TECR: variants seen among roughly 807,000 people sequenced by gnomAD.
TECR encodes the protein very-long-chain enoyl-CoA reductase.
TECR carries 19 observed loss-of-function variants against 50.6 expected under a neutral mutation model. The observed-to-expected ratio is 0.38, with a 90% CI of 0.26 to 0.55. The LOEUF (loss-of-function observed/expected upper bound fraction) is 0.55. Among genes scored for constraint, TECR ranks in the 20% least tolerant of loss-of-function variants. TECR has a pLI of 0.79. For synonymous variants in TECR, 168 were observed against 163.5 expected (o/e 1.03, Z -0.21); for missense variants, 313 against 408.3 (o/e 0.77, Z 2.01).
rs572210216 is a variant in TECR at position 14,539,446 on chromosome 19, C to T, written c.15+9735C>T. On this transcript the variant is annotated intron_variant, in intron 1 of 12. Coordinates refer to ENST00000215567, the MANE Select transcript of TECR (RefSeq NM_138501.6). Reference sequence around the variant, plus strand: ...AGAAGACAGTCTGGCCACCAGGTGCCTGTCACAGCTGCCTCACCTAGGAGC... The same window carrying T: ...AGAAGACAGTCTGGCCACCAGGTGCTTGTCACAGCTGCCTCACCTAGGAGC... Among the ~76,000 whole-genome samples, 8 of 152,200 alleles carry T rather than the reference C, an allele frequency of 5.3e-5. No individual in the cohort carries two copies. The South Asian group carries it at 8.3e-4, about 16-fold the overall frequency.
Position 14,535,560 on chromosome 19 carries a change from A to ATATATATATATG in TECR, c.15+5860_15+5861insGTATATATATAT, listed in dbSNP as rs1413588470. Among the ~76,000 whole-genome samples the ATATATATATATG allele has an allele frequency of 1.4e-3, 31 of 21,858 alleles. 1 individual carries two copies. The highest frequency in any genetic ancestry group is 5.0e-3 in the African/African-American group (30 of 6,054). 14.3% of individuals were successfully genotyped at this position (21,858 alleles called of 152,430 possible). A position where few individuals can be genotyped will look rare whatever the true frequency, so the allele number is the denominator to read the frequency against. On this transcript the variant is annotated intron_variant, in intron 1 of 12. Coordinates refer to ENST00000215567, the MANE Select transcript of TECR (RefSeq NM_138501.6). ...AAAAAAAAAATATATATATATATAT[A>ATATATATATATG]TATATATATATATATATATATATAT...
chr19:14,563,882 G>A lies in TECR; in HGVS notation c.246G>A (p.Gly82=). ...CCACACTGTACTTCCGGGACCTGGG[G>A]GCCCAGATCAGCTGGGTGACGGTGA... is the stretch of plus-strand genomic sequence containing the variant. The part of the protein sequence containing the change: ...TTATLYFRDL[G]AQISWVTVFL... The change falls in exon 5 of 13, where the codon GGG becomes GGA. Residue 82 remains glycine, a synonymous_variant. Coordinates refer to ENST00000215567, the MANE Select transcript of TECR (RefSeq NM_138501.6). The surrounding 1 kb of genome is among the most constrained non-coding windows in gnomAD (Gnocchi z 5.3). 6.2e-7 allele frequency: 1 copy of A among 1,614,040 alleles called. No homozygotes were observed. Among genetic ancestry groups the A allele is most frequent in the South Asian group, 1.1e-5 (1 of 91,090 alleles).
intron 1 of TECR, chr19:14,529,952 G>T (rs1487374709): frequency 1.7e-6 from 1 of 600,856 alleles, no homozygotes. Context: ...GGGGGTCTCT[G>T]CAGGGGCTGG....
intron 1 of TECR, 65 bp from the exon 2 acceptor site, chr19:14,562,460 G>T: frequency 6.2e-7 from 1 of 1,601,622 alleles, no homozygotes; most frequent in Non-Finnish European, 8.6e-7. Context: ...GGCCTCAATG[G>T]GCTCCCCAGG....
In TECR at chr19:14,553,190, C is replaced by T. The variant is rs7245996; in HGVS notation, c.16-9335C>T. ...TTCCAAGGCTGGATTGCTACCTGCT[C>T]GCTCGGGGCTCTGCTGGATGGGAAC... is the stretch of plus-strand genomic sequence containing the variant. On this transcript the variant is annotated intron_variant, in intron 1 of 12. Transcript: ENST00000215567. Among the ~76,000 whole-genome samples, 143 of 152,292 alleles carry T rather than the reference C, an allele frequency of 9.4e-4. 1 individual carries two copies. The highest frequency in any genetic ancestry group is 3.2e-3 in the African/African-American group (134 of 41,582).
chr19:14,535,558 A>ATATATATATATATG (rs2072856646), intron 1 of TECR, among the ~76,000 whole-genome samples: 3 of 17,092 alleles, frequency 1.8e-4, no homozygotes, highest in African/African-American at 5.5e-4. Flanking sequence ...ATATATATAT[A>ATATATATATATATG]TATATATATA....
At chr19:14,538,169 C>T (rs1008863045) in intron 1 of TECR, among the ~76,000 whole-genome samples, 4 of 152,226 alleles carry the variant, frequency 2.6e-5, no homozygotes, top group Non-Finnish European at 4.4e-5. Flanking sequence ...GACTTGTCCA[C>T]AGCTAGTGGC....
At position 14,541,973 on chromosome 19, in the gene TECR, C is replaced by A. The variant is rs1379904475; in HGVS notation, c.15+12262C>A. On this transcript the variant is annotated intron_variant, in intron 1 of 12. Transcript: ENST00000215567. ...CGTATTTTTTGTATGTGTAGTAGAC[C>A]GGGTTTCACATGTTGGCCAGGCTGG... 5.3e-5 allele frequency among the ~76,000 whole-genome samples: 8 copies of A among 152,004 alleles called. 2 individuals are homozygous for A. Among genetic ancestry groups the A allele is most frequent in the African/African-American group, 1.9e-4 (8 of 41,470 alleles).
At chr19:14,540,592 G>A (rs559716944) in intron 1 of TECR, among the ~76,000 whole-genome samples, 1 of 151,584 alleles carries the variant, frequency 6.6e-6, no homozygotes, top group South Asian at 2.1e-4. Context: ...GGGTTTCATT[G>A]TGTTGGCCAG....
rs71166754 is a variant in TECR at position 14,542,347 on chromosome 19, G to GTTTTTTTTTTTTTTTTTT, written c.15+12648_15+12665dup. Among the ~76,000 whole-genome samples, 12 of 43,300 alleles carry GTTTTTTTTTTTTTTTTTT rather than the reference G, an allele frequency of 2.8e-4. 2 individuals are homozygous for GTTTTTTTTTTTTTTTTTT. Among genetic ancestry groups the GTTTTTTTTTTTTTTTTTT allele is most frequent in the South Asian group, 9.3e-4 (1 of 1,080 alleles). 28.4% of individuals were successfully genotyped at this position (43,300 alleles called of 152,430 possible). ...CCTCAGGGGGCCCTCATGCCATAGT[G>GTTTTTTTTTTTTTTTTTT]TTTTTTTTTTTTTTTTTTTTTTTTT... On this transcript the variant is annotated intron_variant, in intron 1 of 12. Transcript: ENST00000215567.
chr19:14,535,578 A>ATG, intron 1 of TECR, among the ~76,000 whole-genome samples: 1 of 39,986 alleles, frequency 2.5e-5, no homozygotes, highest in African/African-American at 7.7e-5. Context: ...ATATATATAT[A>ATG]TATATATATA....
At chr19:14,552,323 C>T (rs535168671) in intron 1 of TECR, among the ~76,000 whole-genome samples, 6 of 151,588 alleles carry the variant, frequency 4.0e-5, no homozygotes, top group African/African-American at 9.7e-5. Context: ...CGTGAGCCAC[C>T]GTGCCCGGCC....
intron 1 of TECR, among the ~76,000 whole-genome samples, chr19:14,540,402 T>C (rs1353137916): frequency 6.6e-6 from 1 of 150,714 alleles, no homozygotes; most frequent in Non-Finnish European, 1.5e-5. Flanking sequence ...TTAAAAAATG[T>C]GTGTTTTTGA....
chr19:14,544,576 AG>A (rs35751479), intron 1 of TECR, among the ~76,000 whole-genome samples: 49,924 of 150,366 alleles, frequency 0.33, 8,946 homozygotes, highest in Non-Finnish European at 0.42. Context: ...ATAGTAGCAG[AG>A]GGTTCTGCTC....
At chr19:14,530,355 T>C (rs957627030) in intron 1 of TECR, 1 of 153,694 alleles carries the variant, frequency 6.5e-6, no homozygotes, top group African/African-American at 2.4e-5. Flanking sequence ...CTAACTTGGG[T>C]CTCTTTTTCC....
At chr19:14,548,437 C>T (rs1176356641) in intron 1 of TECR, among the ~76,000 whole-genome samples, 1 of 152,192 alleles carries the variant, frequency 6.6e-6, no homozygotes, top group Non-Finnish European at 1.5e-5. Context: ...CATCCCTTAG[C>T]TCAGCATTCT....
At chr19:14,533,361 A>G (rs2072745784) in intron 1 of TECR, among the ~76,000 whole-genome samples, 1 of 151,634 alleles carries the variant, frequency 6.6e-6, no homozygotes, top group Non-Finnish European at 1.5e-5. Flanking sequence ...TGGAGGTTGC[A>G]GTGAGCTGAG....
intron 2 of TECR, among the ~76,000 whole-genome samples, 184 bp downstream of exon 2, chr19:14,562,759 C>T (rs565509944): frequency 1.3e-5 from 2 of 152,196 alleles, no homozygotes; most frequent in Admixed American, 6.5e-5. Flanking sequence ...AATGGAGGCA[C>T]AGGAGTCTCA....
intron 1 of TECR, among the ~76,000 whole-genome samples, chr19:14,558,924 G>A (rs1488840486): frequency 6.6e-6 from 1 of 152,216 alleles, no homozygotes; most frequent in Non-Finnish European, 1.5e-5. Flanking sequence ...TGTACCCTCT[G>A]CAGCCCTGGG....
Sources: allele counts gnomAD v4.1 joint callset (sites outside exome capture counted in the v4.1 genomes callset), GRCh38; gene constraint gnomAD v4.1.1; non-coding constraint Gnocchi (gnomAD v3.1); transcripts MANE v1.5; gene names NCBI Gene and HGNC (gene_info 2026-07-23, HGNC 2026-07-21).